NKAIN3: variants seen among roughly 807,000 people sequenced by gnomAD.
NKAIN3 encodes sodium/potassium transporting ATPase interacting 3, also known as sodium/potassium-transporting ATPase subunit beta-1-interacting protein 3.
A neutral mutation model predicts 30.2 loss-of-function variants in NKAIN3; 25 were observed. The ratio of observed to expected loss-of-function variants is 0.83; its 90% CI spans 0.60 to 1.16. NKAIN3 has a LOEUF of 1.16. Among genes scored for constraint, NKAIN3 ranks in the 50% most tolerant of loss-of-function variants. The pLI is 0.00. For synonymous variants in NKAIN3, 91 were observed against 89.6 expected (o/e 1.02, Z -0.09); for missense variants, 225 against 254.1 (o/e 0.89, Z 0.78).
chr8:62,844,635 A>T (rs1819622007), intron 4 of NKAIN3, among the ~76,000 whole-genome samples: 1 of 152,150 alleles, frequency 6.6e-6, no homozygotes, highest in African/African-American at 2.4e-5. Flanking sequence ...CCTTAATGGG[A>T]ACACTTTGTT....
chr8:62,320,594 C>T (rs1024296085), intron 1 of NKAIN3, among the ~76,000 whole-genome samples: 3 of 152,078 alleles, frequency 2.0e-5, no homozygotes, highest in East Asian at 1.9e-4. Context: ...ACTTATGAAG[C>T]TTAGTTTGAC....
intron 3 of NKAIN3, among the ~76,000 whole-genome samples, chr8:62,688,857 C>T (rs1813875963): frequency 6.6e-6 from 1 of 151,970 alleles, no homozygotes; most frequent in South Asian, 2.1e-4. Context: ...CTTCAGATAG[C>T]ATGGTTATTT....
chr8:62,798,505 G>A (rs1245627053), intron 4 of NKAIN3, among the ~76,000 whole-genome samples: 2 of 151,992 alleles, frequency 1.3e-5, no homozygotes, highest in East Asian at 3.9e-4. Context: ...CCAGGAGGCG[G>A]AGCTTGCAGT....
chr8:62,336,169 G>A (rs1815545220), intron 1 of NKAIN3, among the ~76,000 whole-genome samples: 2 of 152,016 alleles, frequency 1.3e-5, no homozygotes, highest in South Asian at 4.1e-4. Flanking sequence ...GCCTGGGAAT[G>A]AGAAACAATT....
chr8:62,252,216 G>A (rs1585597768), intron 1 of NKAIN3, among the ~76,000 whole-genome samples: 1 of 152,156 alleles, frequency 6.6e-6, no homozygotes, highest in East Asian at 1.9e-4. Context: ...GTGAACTAGT[G>A]AGGGTGTTGA....
intron 1 of NKAIN3, among the ~76,000 whole-genome samples, chr8:62,539,386 AC>A (rs1808769360): frequency 6.6e-6 from 1 of 152,216 alleles, no homozygotes; most frequent in Non-Finnish European, 1.5e-5. Context: ...TGTAAAACTG[AC>A]AGAAAACAAG....
intron 4 of NKAIN3, among the ~76,000 whole-genome samples, chr8:62,797,672 G>A (rs1421885564): frequency 3.9e-5 from 6 of 152,094 alleles, no homozygotes; most frequent in African/African-American, 1.4e-4. Flanking sequence ...GTCTAAACAA[G>A]GTAAAAACAA....
chr8:62,364,828 C>CAAAAAAA (rs58784999), intron 1 of NKAIN3, among the ~76,000 whole-genome samples: 6,239 of 63,606 alleles, frequency 0.098, 1,742 homozygotes, highest in Middle Eastern at 0.21. Flanking sequence ...GACTCCACTA[C>CAAAAAAA]AAAAAAAAAA....
chr8:62,649,656 C>A (rs1336805060), intron 3 of NKAIN3, among the ~76,000 whole-genome samples: 1 of 152,134 alleles, frequency 6.6e-6, no homozygotes. Flanking sequence ...TTCTCACTGC[C>A]TCTTCATCTT....
intron 1 of NKAIN3, among the ~76,000 whole-genome samples, chr8:62,495,052 C>G (rs1396858148): frequency 6.6e-6 from 1 of 152,016 alleles, no homozygotes; most frequent in Admixed American, 6.6e-5. Flanking sequence ...GGAAATCACT[C>G]CCTCCATTAT....
At chr8:62,913,882 T>A (rs34458164) in intron 4 of NKAIN3, among the ~76,000 whole-genome samples, 1 of 152,198 alleles carries the variant, frequency 6.6e-6, no homozygotes, top group Non-Finnish European at 1.5e-5. Context: ...GATCTGTTTA[T>A]ACACTTTTGG....
At chr8:62,617,673 A>G (rs1811500790) in intron 3 of NKAIN3, among the ~76,000 whole-genome samples, 1 of 152,200 alleles carries the variant, frequency 6.6e-6, no homozygotes, top group Non-Finnish European at 1.5e-5. Flanking sequence ...GGTCAGCCAA[A>G]TGATATCTGG....
intron 1 of NKAIN3, among the ~76,000 whole-genome samples, chr8:62,465,271 T>A (rs1358650552): frequency 2.6e-5 from 4 of 152,170 alleles, no homozygotes; most frequent in Non-Finnish European, 5.9e-5. Context: ...ATTACTAGAA[T>A]TTAACCTCCC....
intron 3 of NKAIN3, among the ~76,000 whole-genome samples, chr8:62,729,039 A>C (rs1291011748): frequency 4.1e-5 from 4 of 96,946 alleles, no homozygotes; most frequent in African/African-American, 1.2e-4. Context: ...AAAAAAAAAA[A>C]CAAAAAAAAA....
intron 1 of NKAIN3, among the ~76,000 whole-genome samples, chr8:62,551,453 T>A (rs1263973858): frequency 1.3e-5 from 2 of 152,168 alleles, no homozygotes; most frequent in Non-Finnish European, 2.9e-5. Context: ...TGCCTACCAG[T>A]GCCTTAGTAA....
At position 62,972,449 on chromosome 8, in the gene NKAIN3, T is replaced by G. The variant is rs1224867994; in HGVS notation, c.*7042T>G. ...TATGTTGATACATCAAATGCCAGTCTTTTATCTTCCTAGTTTTTCAAATAG... is the reference window on the plus strand; with the variant it reads ...TATGTTGATACATCAAATGCCAGTCGTTTATCTTCCTAGTTTTTCAAATAG... On this transcript the variant is annotated 3_prime_UTR_variant, in exon 7 of 7. Coordinates refer to ENST00000623646, the MANE Select transcript of NKAIN3 (RefSeq NM_001304533.3). Among the ~76,000 whole-genome samples, 1 of 152,182 alleles carries G rather than the reference T, an allele frequency of 6.6e-6. No homozygotes were observed. Among genetic ancestry groups the G allele is most frequent in the Non-Finnish European group, 1.5e-5 (1 of 68,040 alleles).
chr8:62,797,710 C>T (rs1463471969), intron 4 of NKAIN3, among the ~76,000 whole-genome samples: 2 of 152,062 alleles, frequency 1.3e-5, no homozygotes, highest in African/African-American at 4.8e-5. Context: ...AAATTGTATG[C>T]CCCAGAAACT....
At chr8:62,520,105 T>C (rs560515379) in intron 1 of NKAIN3, among the ~76,000 whole-genome samples, 61 of 152,286 alleles carry the variant, frequency 4.0e-4, no homozygotes, top group African/African-American at 1.3e-3. Context: ...TAGATGTATG[T>C]CACCCACCTT....
At chr8:62,416,059 G>C (rs1196143811) in intron 1 of NKAIN3, among the ~76,000 whole-genome samples, 1 of 151,904 alleles carries the variant, frequency 6.6e-6, no homozygotes, top group East Asian at 1.9e-4. Flanking sequence ...CCTGGCCTAA[G>C]AATTATTTCT....
Sources: allele counts gnomAD v4.1 joint callset (sites outside exome capture counted in the v4.1 genomes callset), GRCh38; gene constraint gnomAD v4.1.1; transcripts MANE v1.5; gene names NCBI Gene and HGNC (gene_info 2026-07-23, HGNC 2026-07-21).